The following VPS13B variants were observed in gnomAD, a reference collection of about 807,000 sequenced individuals.
The protein encoded by VPS13B is vacuolar protein sorting 13 homolog B.
Under a neutral mutation model 426.4 loss-of-function variants are expected in VPS13B, and 285 were observed. The ratio of observed to expected loss-of-function variants is 0.67; its 90% CI spans 0.61 to 0.74. The LOEUF (loss-of-function observed/expected upper bound fraction) is 0.74, where lower values mean the gene tolerates loss of function less well. VPS13B is among the 30% of genes least tolerant of loss of function. The probability of loss-of-function intolerance (pLI) is 0.00; values close to 1 mark genes in which losing one functional copy is unlikely to be tolerated. For missense variants in VPS13B, 4,537 were observed against 4,782.6 expected, an observed-to-expected ratio of 0.95 and a Z score of 1.51; for synonymous variants, 1,676 against 1,676.4, an observed-to-expected ratio of 1.00 and a Z score of 0.01.
chr8:99,188,073 T>TTG (rs1813322138), intron 16 of VPS13B, among the ~76,000 whole-genome samples: 1 of 145,676 alleles, frequency 6.9e-6, no homozygotes, highest in Non-Finnish European at 1.5e-5. Flanking sequence ...TTTTTTTTTT[T>TTG]GTGAGGGAAG....
intron 8 of VPS13B, among the ~76,000 whole-genome samples, chr8:99,123,081 A>G (rs1848025435): frequency 7.2e-6 from 1 of 138,496 alleles, no homozygotes; most frequent in African/African-American, 2.7e-5. Context: ...AGATTGTGCC[A>G]TTGCACTCCA....
intron 35 of VPS13B, among the ~76,000 whole-genome samples, chr8:99,691,248 T>C (rs1831642114): frequency 1.0e-5 from 1 of 100,254 alleles, no homozygotes; most frequent in African/African-American, 3.6e-5. Flanking sequence ...TATGGGATAC[T>C]GTGTGTGTGT....
intron 15 of VPS13B, among the ~76,000 whole-genome samples, chr8:99,169,123 A>G (rs1004140935): frequency 3.3e-5 from 5 of 152,000 alleles, no homozygotes; most frequent in Non-Finnish European, 7.4e-5. Context: ...TTAATTCTAG[A>G]GATATGGAAG....
At chr8:99,798,809 C>A (rs1312189338) in intron 43 of VPS13B, among the ~76,000 whole-genome samples, 2 of 152,184 alleles carry the variant, frequency 1.3e-5, no homozygotes, top group Non-Finnish European at 2.9e-5. Flanking sequence ...AATGTAAATT[C>A]TTGATGTCTA....
chr8:99,487,297 T>C (rs374539770), intron 25 of VPS13B, among the ~76,000 whole-genome samples: 32 of 152,270 alleles, frequency 2.1e-4, no homozygotes, highest in African/African-American at 7.7e-4. Flanking sequence ...GTAGTACAAA[T>C]GGTAAATGTT....
At chr8:99,194,060 G>A (rs558617702) in intron 17 of VPS13B, among the ~76,000 whole-genome samples, 1 of 152,244 alleles carries the variant, frequency 6.6e-6, no homozygotes, top group Non-Finnish European at 1.5e-5. Flanking sequence ...ATGAGGTCAG[G>A]CGTGGAATTT....
intron 17 of VPS13B, among the ~76,000 whole-genome samples, chr8:99,194,182 G>A (rs1199004264): frequency 6.6e-6 from 1 of 152,116 alleles, no homozygotes; most frequent in Non-Finnish European, 1.5e-5. Context: ...CTGGCTTTTA[G>A]CATTATATAA....
At chr8:99,194,588 C>T (rs181406479) in intron 17 of VPS13B, among the ~76,000 whole-genome samples, 285 of 152,280 alleles carry the variant, frequency 1.9e-3, no homozygotes, top group Middle Eastern at 0.01. Context: ...TTGTCTTAAA[C>T]GACAGAATTT....
intron 35 of VPS13B, among the ~76,000 whole-genome samples, chr8:99,690,031 CT>C (rs747888157): frequency 3.3e-5 from 5 of 151,892 alleles, no homozygotes; most frequent in South Asian, 2.1e-4. Context: ...AAAATTGCAC[CT>C]TTTTTTTATT....
At chr8:99,510,012 A>C (rs1322383937) in intron 28 of VPS13B, among the ~76,000 whole-genome samples, 1 of 152,174 alleles carries the variant, frequency 6.6e-6, no homozygotes, top group Non-Finnish European at 1.5e-5. Context: ...AAGTTATGAT[A>C]ATTTTTTTAC....
intron 33 of VPS13B, among the ~76,000 whole-genome samples, chr8:99,638,032 G>A (rs562166736): frequency 2.0e-4 from 30 of 152,152 alleles, no homozygotes; most frequent in Middle Eastern, 3.4e-3. Context: ...CACATGTTAT[G>A]TGAGAATTCC....
intron 4 of VPS13B, among the ~76,000 whole-genome samples, chr8:99,097,725 A>G (rs536355694): frequency 6.6e-6 from 1 of 152,312 alleles, no homozygotes. Flanking sequence ...AGAAAACTAA[A>G]GACAAAAAAC....
At chr8:99,759,157 A>C (rs1456997186) in intron 39 of VPS13B, among the ~76,000 whole-genome samples, 1 of 152,124 alleles carries the variant, frequency 6.6e-6, no homozygotes, top group Admixed American at 6.6e-5. Flanking sequence ...ACCCAGCCAA[A>C]ACCCTACGTT....
intron 35 of VPS13B, chr8:99,697,825 C>T (rs574082005): frequency 7.9e-4 from 466 of 592,500 alleles, no homozygotes; most frequent in Non-Finnish European, 1.3e-3. Context: ...GCAAGCTCAC[C>T]AGCCTGGCCT....
At chr8:99,540,045 A>T (rs1347134945) in intron 30 of VPS13B, among the ~76,000 whole-genome samples, 1 of 3,608 alleles carries the variant, frequency 2.8e-4, no homozygotes, top group East Asian at 9.1e-3. Flanking sequence ...ATATATATAT[A>T]TATATATATA....
chr8:99,053,564 G>A (rs904089430), intron 3 of VPS13B, among the ~76,000 whole-genome samples: 1 of 151,776 alleles, frequency 6.6e-6, no homozygotes, highest in Non-Finnish European at 1.5e-5. Context: ...AGTACCTCAA[G>A]TAAGTGGAAT....
intron 21 of VPS13B, 131 bp from the exon 22 acceptor site, chr8:99,431,406 G>T: frequency 8.4e-7 from 1 of 1,190,498 alleles, no homozygotes; most frequent in Non-Finnish European, 1.2e-6. Flanking sequence ...GATGTAAAAT[G>T]ACAATTCATA....
At chr8:99,553,580 T>C (rs2133757871) in intron 30 of VPS13B, among the ~76,000 whole-genome samples, 1 of 152,090 alleles carries the variant, frequency 6.6e-6, no homozygotes, top group East Asian at 1.9e-4. Context: ...ATATTTTATT[T>C]ATCTTTATAA....
rs200057208 is a variant in VPS13B, at chr8:99,565,365, C to CT, written c.4949+8724dup. Among the ~76,000 whole-genome samples the CT allele has an allele frequency of 8.9e-3, 1,279 of 143,734 alleles. 36 individuals are homozygous for CT. The East Asian group carries it at 0.11, about 12-fold the overall frequency. The allele number at this position is 143,734 out of a possible 152,430, so 94.3% of individuals were successfully genotyped here. On this transcript the variant is annotated intron_variant, in intron 31 of 61. Coordinates refer to ENST00000357162, the MANE Select transcript of VPS13B (RefSeq NM_152564.5). ...TAAATTACATGTAATACTCTGTGGG[C>CT]TTTTTTTTTTTTACACATAAAGAAT...
Sources: allele counts gnomAD v4.1 joint callset (sites outside exome capture counted in the v4.1 genomes callset), GRCh38; gene constraint gnomAD v4.1.1; transcripts MANE v1.5; gene names NCBI Gene and HGNC (gene_info 2026-07-23, HGNC 2026-07-21).